The following SLC6A2 variants were observed in gnomAD, a reference collection of about 807,000 sequenced individuals.
SLC6A2 encodes solute carrier family 6 member 2.
SLC6A2 carries 26 observed loss-of-function variants against 71.7 expected under a neutral mutation model. The observed-to-expected ratio is 0.36, with a 90% CI of 0.27 to 0.50. The LOEUF is 0.50. SLC6A2 is among the 20% of genes least tolerant of loss of function. The pLI is 0.96. For synonymous variants in SLC6A2, 363 were observed against 337.9 expected (o/e 1.07, Z -0.82); for missense variants, 581 against 803.9 (o/e 0.72, Z 3.35).
chr16:55,671,772 G>T lies in SLC6A2; in HGVS notation c.407-166G>T, dbSNP rs530278962. Reference sequence around the variant, plus strand: ...CCACCCCAAAATCTGTGGAAAAATTGTCTTCCATGCGACAGGTCACTGGTG... The same window carrying T: ...CCACCCCAAAATCTGTGGAAAAATTTTCTTCCATGCGACAGGTCACTGGTG... On this transcript the variant is annotated intron_variant, in intron 3 of 14. Transcript: ENST00000568943. 115 of 1,414,360 alleles carry T rather than the reference G, an allele frequency of 8.1e-5. No individual in the cohort carries two copies. In the African/African-American group the frequency reaches 1.5e-3, roughly 19 times the overall value. The allele number at this position is 1,414,360 out of a possible 1,614,324, so 87.6% of individuals were successfully genotyped here.
At chr16:55,695,657 C>T (rs1965774568) in intron 8 of SLC6A2, among the ~76,000 whole-genome samples, 1 of 152,198 alleles carries the variant, frequency 6.6e-6, no homozygotes, top group Admixed American at 6.5e-5. Flanking sequence ...CCTCTCTGTA[C>T]CAGCCCTGGG....
intron 5 of SLC6A2, among the ~76,000 whole-genome samples, chr16:55,686,811 G>A (rs1965466086): frequency 6.6e-6 from 1 of 152,210 alleles, no homozygotes; most frequent in Non-Finnish European, 1.5e-5. Flanking sequence ...AGAAAGTCTA[G>A]CGTTGAGCAA....
intron 4 of SLC6A2, among the ~76,000 whole-genome samples, chr16:55,678,765 G>A (rs1048523870): frequency 7.2e-5 from 11 of 152,114 alleles, no homozygotes; most frequent in African/African-American, 1.9e-4. Context: ...TGTAGACTTC[G>A]GAAAGCCTGG....
At chr16:55,694,834 G>C (rs539591343) in intron 7 of SLC6A2, among the ~76,000 whole-genome samples, 31 of 152,294 alleles carry the variant, frequency 2.0e-4, no homozygotes, top group African/African-American at 7.2e-4. Flanking sequence ...GCATGCACTG[G>C]GGGGAGAAGC....
chr16:55,665,201 G>A (rs1964716843), intron 2 of SLC6A2, among the ~76,000 whole-genome samples: 1 of 152,178 alleles, frequency 6.6e-6, no homozygotes, highest in African/African-American at 2.4e-5. Context: ...CTTTATAATA[G>A]AACTACTACA....
chr16:55,689,825 C>G (rs143804819), intron 5 of SLC6A2, among the ~76,000 whole-genome samples: 2 of 152,266 alleles, frequency 1.3e-5, no homozygotes, highest in African/African-American at 4.8e-5. Flanking sequence ...AAGTGGAAAT[C>G]CCATTTCCAT....
At chr16:55,681,026 T>C (rs1254595938) in intron 4 of SLC6A2, among the ~76,000 whole-genome samples, 1 of 152,064 alleles carries the variant, frequency 6.6e-6, no homozygotes, top group East Asian at 1.9e-4. Flanking sequence ...GCACCTCCTG[T>C]CAGCTTTCTG....
At chr16:55,702,020 C>A in intron 14 of SLC6A2, 86 bp downstream of exon 14, 1 of 1,086,236 alleles carries the variant, frequency 9.2e-7, no homozygotes, top group Non-Finnish European at 1.4e-6. Context: ...GGCTAGACAT[C>A]ACATCCAGAA....
chr16:55,699,553 G>A lies in SLC6A2; in HGVS notation c.1490-1G>A. The stretch of plus-strand genomic sequence containing the variant: ...AACAGGCCTGCCCTGTGTGTGCACA[G>A]GAGTGGACAGGTTCAGCAACGACAT... On this transcript the variant is annotated splice_acceptor_variant, in intron 11 of 14. Coordinates refer to ENST00000568943, the MANE Select transcript of SLC6A2 (RefSeq NM_001172501.3). LOFTEE classifies it high-confidence loss of function. 1 of 1,612,890 alleles carries A rather than the reference G, an allele frequency of 6.2e-7. No homozygotes were observed. Among genetic ancestry groups the A allele is most frequent in the Non-Finnish European group, 8.5e-7 (1 of 1,178,848 alleles).
chr16:55,674,964 C>T (rs1176312332), intron 4 of SLC6A2, among the ~76,000 whole-genome samples: 3 of 152,176 alleles, frequency 2.0e-5, no homozygotes, highest in Non-Finnish European at 4.4e-5. Context: ...TTTACATTCC[C>T]ACCAACAGTG....
At chr16:55,682,480 G>A (rs1965304400) in intron 4 of SLC6A2, among the ~76,000 whole-genome samples, 1 of 152,166 alleles carries the variant, frequency 6.6e-6, no homozygotes, top group Admixed American at 6.5e-5. Flanking sequence ...GGATTGTTGG[G>A]TTTAGCAAGA....
chr16:55,681,774 A>G (rs890320009), intron 4 of SLC6A2, among the ~76,000 whole-genome samples: 4 of 152,236 alleles, frequency 2.6e-5, no homozygotes, highest in Admixed American at 2.6e-4. Flanking sequence ...CCTCTGGCAG[A>G]CAGACAATTG....
intron 4 of SLC6A2, among the ~76,000 whole-genome samples, chr16:55,673,084 G>A (rs546254726): frequency 6.6e-6 from 1 of 152,158 alleles, no homozygotes; most frequent in Non-Finnish European, 1.5e-5. Context: ...TAGTTGCCAT[G>A]TTTCTTTAAT....
At position 55,656,811 on chromosome 16, in the gene SLC6A2, C is replaced by A; in HGVS notation, c.117C>A (p.Arg39=). ...KTAELLVVKE[R]NGVQCLLAPR... ...CGGAGCTGCTGGTGGTGAAGGAGCGCAACGGCGTCCAGTGCCTGCTGGCGC... is the reference window on the plus strand; with the variant it reads ...CGGAGCTGCTGGTGGTGAAGGAGCGAAACGGCGTCCAGTGCCTGCTGGCGC... Residue 39 remains arginine (R), a synonymous_variant, in exon 2 of 15, where the codon CGC becomes CGA. Transcript: ENST00000568943. The surrounding 1 kb of genome is among the most constrained non-coding windows in gnomAD (Gnocchi z 4.5). 6.2e-7 allele frequency: 1 copy of A among 1,613,404 alleles called. No individual in the cohort carries two copies.
intron 4 of SLC6A2, among the ~76,000 whole-genome samples, chr16:55,672,981 C>T (rs1313312170): frequency 6.6e-6 from 1 of 152,226 alleles, no homozygotes; most frequent in Non-Finnish European, 1.5e-5. Flanking sequence ...GAGTTTGAAA[C>T]CGGAAAATTA....
chr16:55,670,185 G>C (rs1435901775), intron 3 of SLC6A2, among the ~76,000 whole-genome samples: 2 of 152,222 alleles, frequency 1.3e-5, no homozygotes, highest in African/African-American at 4.8e-5. Flanking sequence ...AAAGTAGGCA[G>C]AGCAACTGCT....
At chr16:55,685,612 C>A (rs1355187142) in intron 5 of SLC6A2, among the ~76,000 whole-genome samples, 1 of 152,224 alleles carries the variant, frequency 6.6e-6, no homozygotes, top group Non-Finnish European at 1.5e-5. Flanking sequence ...GAGATACTAT[C>A]AACATGCCCT....
rs780557293 is a variant in SLC6A2, at chr16:55,700,253, G to A, written c.1705G>A (p.Val569Met). 1.9e-6 allele frequency: 3 copies of A among 1,614,076 alleles called. No individual in the cohort carries two copies. Among genetic ancestry groups the A allele is most frequent in the Non-Finnish European group, 2.5e-6 (3 of 1,180,018 alleles). ...CATCGCCCTGTCCTCCATGGTCCTG[G>A]TGCCCATCTACGTCATCTATAAGTT... ...WGIALSSMVL[V>M]PIYVIYKFLS... The change falls in exon 13 of 15, where the codon GTG becomes ATG. Residue 569 changes from valine to methionine, a missense_variant. Val to Met is a conservative substitution (Grantham distance 21, BLOSUM62 1). Around this residue, in one of 5 missense-constraint regions of SLC6A2, gnomAD observed 334 missense variants for 449.0 expected, o/e 0.74. Coordinates refer to ENST00000568943, the MANE Select transcript of SLC6A2 (RefSeq NM_001172501.3).
chr16:55,691,984 C>T lies in SLC6A2; in HGVS notation c.850C>T (p.Leu284=), dbSNP rs200092780. The T allele has an allele frequency of 3.1e-6, 5 of 1,614,212 alleles. No individual in the cohort carries two copies. The East Asian group carries it at 1.1e-4, about 36-fold the overall frequency. Reference sequence around the variant, plus strand: ...CGTGCTCCTGGTCCATGGCGTCACGCTGCCCGGAGCCTCCAATGGCATCAA... The same window carrying T: ...CGTGCTCCTGGTCCATGGCGTCACGTTGCCCGGAGCCTCCAATGGCATCAA... The part of the protein sequence containing the change: ...LFVLLVHGVT[L]PGASNGINAY... The change falls in exon 6 of 15, where the codon CTG becomes TTG. Residue 284 remains leucine, a synonymous_variant. Transcript: ENST00000568943.
Sources: allele counts gnomAD v4.1 joint callset (sites outside exome capture counted in the v4.1 genomes callset), GRCh38; gene constraint gnomAD v4.1.1; regional missense constraint gnomAD v4.1.1; non-coding constraint Gnocchi (gnomAD v3.1); transcripts MANE v1.5; gene names NCBI Gene and HGNC (gene_info 2026-07-23, HGNC 2026-07-21).